Variants in PCNX2 observed in about 807,000 individuals in gnomAD.
The protein encoded by PCNX2 is pecanex 2, also known as pecanex-like protein 2.
In PCNX2, 168 loss-of-function variants were observed where a neutral mutation model predicts 223.8. The observed-to-expected ratio is 0.75, with a 90% CI of 0.66 to 0.85. The LOEUF (loss-of-function observed/expected upper bound fraction) is 0.85. Ranked by LOEUF, PCNX2 falls within the 40% of genes least tolerant of loss-of-function variation. The pLI is 0.00. For synonymous variants in PCNX2, 1,006 were observed against 1,052.6 expected, an observed-to-expected ratio of 0.96 and a Z score of 0.86; for missense variants, 2,507 against 2,675.5, an observed-to-expected ratio of 0.94 and a Z score of 1.39.
Position 233,258,777 on chromosome 1 carries a change from G to T in PCNX2, c.1085C>A (p.Ser362Tyr), listed in dbSNP as rs1289833750. ...SEVAVTLIDT[S>Y]QPGDPLSLHE... ...TAGACTCAGTGGGTCTCCGGGTTGA[G>T]AAGTATCGATGAGAGTAACAGCTAC... The change falls in exon 5 of 34, where the codon TCT (serine) becomes TAT (tyrosine). Residue 362 changes from serine (S) to tyrosine (Y), a missense_variant. Ser to Tyr is a moderately radical substitution (Grantham distance 144). Coordinates refer to ENST00000258229, the MANE Select transcript of PCNX2 (RefSeq NM_014801.4). The T allele has an allele frequency of 1.2e-6, 2 of 1,613,746 alleles. No homozygotes were observed. Among genetic ancestry groups the T allele is most frequent in the Admixed American group, 3.3e-5 (2 of 60,008 alleles).
intron 13 of PCNX2, among the ~76,000 whole-genome samples, chr1:233,206,845 T>C (rs1681497537): frequency 6.6e-6 from 1 of 151,824 alleles, no homozygotes; most frequent in South Asian, 2.1e-4. Flanking sequence ...ACCCCGTCTC[T>C]ACTAAAAATA....
At chr1:233,164,395 T>C (rs566226166) in intron 17 of PCNX2, among the ~76,000 whole-genome samples, 4 of 152,128 alleles carry the variant, frequency 2.6e-5, no homozygotes, top group Non-Finnish European at 4.4e-5. Flanking sequence ...CCTCAAAAAA[T>C]TGAAAACGGA....
At chr1:233,235,237 T>A (rs1658314773) in intron 9 of PCNX2, among the ~76,000 whole-genome samples, 1 of 152,026 alleles carries the variant, frequency 6.6e-6, no homozygotes, top group African/African-American at 2.4e-5. Context: ...AATTAAACAC[T>A]TGTTCACACA....
chr1:233,180,286 G>A (rs537477388), intron 15 of PCNX2, among the ~76,000 whole-genome samples: 9 of 151,942 alleles, frequency 5.9e-5, no homozygotes, highest in African/African-American at 1.5e-4. Flanking sequence ...CATTGTATTC[G>A]GCCTGGCAGA....
the PCNX2 span, among the ~76,000 whole-genome samples, chr1:233,322,083 A>G: frequency 3.9e-5 from 6 of 152,224 alleles, no homozygotes; most frequent in Admixed American, 3.3e-4. Flanking sequence ...CAAGACCAGC[A>G]TTGGAGAATC....
intron 25 of PCNX2, among the ~76,000 whole-genome samples, chr1:233,045,722 C>A (rs1671802951): frequency 6.6e-6 from 1 of 152,166 alleles, no homozygotes; most frequent in Non-Finnish European, 1.5e-5. Context: ...CACAAAGAAG[C>A]AGGGTCATGT....
At position 233,160,394 on chromosome 1, in the gene PCNX2, C is replaced by A. The variant is rs370457665; in HGVS notation, c.3406G>T (p.Val1136Leu). 12 of 1,613,422 alleles carry A rather than the reference C, an allele frequency of 7.4e-6. No individual in the cohort carries two copies. The highest frequency in any genetic ancestry group is 4.0e-5 in the African/African-American group (3 of 74,876). The change falls in exon 19 of 34, where the codon GTG becomes TTG. Residue 1136 changes from valine to leucine, a missense_variant. Val to Leu is a conservative substitution (Grantham distance 32). Coordinates refer to ENST00000258229, the MANE Select transcript of PCNX2 (RefSeq NM_014801.4). ...SIVLFALAGA[V>L]GFVTHYVLPQ... ...AGCACGTAATGTGTTACAAACCCCA[C>A]GGCTCCAGCCAAGGCAAACAGCACG...
At chr1:233,060,904 A>C (rs1672383841) in intron 23 of PCNX2, among the ~76,000 whole-genome samples, 1 of 152,196 alleles carries the variant, frequency 6.6e-6, no homozygotes, top group South Asian at 2.1e-4. Context: ...CTTTTATGTT[A>C]ATACAAAATG....
intron 25 of PCNX2, among the ~76,000 whole-genome samples, chr1:233,037,524 T>A (rs1356805589): frequency 6.6e-6 from 1 of 151,932 alleles, no homozygotes; most frequent in African/African-American, 2.4e-5. Flanking sequence ...CTTTCTTTCT[T>A]TTTTAGAGAT....
intron 1 of PCNX2, among the ~76,000 whole-genome samples, chr1:233,287,142 C>A (rs1358125431): frequency 6.6e-6 from 1 of 152,220 alleles, no homozygotes; most frequent in Non-Finnish European, 1.5e-5. Flanking sequence ...GGACCCCTTA[C>A]ATTCAAACTT....
chr1:233,011,950 T>A (rs1313103156), intron 28 of PCNX2, among the ~76,000 whole-genome samples: 2 of 152,158 alleles, frequency 1.3e-5, no homozygotes, highest in Non-Finnish European at 2.9e-5. Context: ...TAGAAGCCAG[T>A]CAGAAGTTCA....
chr1:233,129,630 G>A (rs1676335677), intron 21 of PCNX2, among the ~76,000 whole-genome samples: 1 of 152,228 alleles, frequency 6.6e-6, no homozygotes, highest in African/African-American at 2.4e-5. Context: ...TTAAGGGATT[G>A]TAAACACACC....
chr1:233,311,460 G>T, the PCNX2 span, among the ~76,000 whole-genome samples: 60 of 152,350 alleles, frequency 3.9e-4, no homozygotes, highest in Middle Eastern at 3.4e-3. Flanking sequence ...TGTGTTGCCA[G>T]TTCTTGGCTC....
chr1:233,139,581 A>G lies in PCNX2; in HGVS notation c.3659+133T>C. 9.1e-7 allele frequency: 1 copy of G among 1,102,836 alleles called. No homozygotes were observed. Among genetic ancestry groups the G allele is most frequent in the South Asian group, 1.7e-5 (1 of 57,462 alleles). 68.3% of individuals were successfully genotyped at this position (1,102,836 alleles called of 1,614,324 possible). On this transcript the variant is annotated intron_variant, in intron 20 of 33. Coordinates refer to ENST00000258229, the MANE Select transcript of PCNX2 (RefSeq NM_014801.4). This position sits in a 1 kb window ranked among gnomAD's most constrained non-coding sequence, Gnocchi z 4.4. ...TCCAGTGGGTTTTGAGTAAAAGACC[A>G]CCATGGCTTATTTTTACATGGCCAA...
At chr1:233,165,554 C>T (rs1008965128) in intron 17 of PCNX2, among the ~76,000 whole-genome samples, 1 of 151,998 alleles carries the variant, frequency 6.6e-6, no homozygotes, top group African/African-American at 2.4e-5. Flanking sequence ...TTTTAATTTG[C>T]CTTTTCCAAT....
At chr1:233,101,106 G>A (rs1226118252) in intron 21 of PCNX2, among the ~76,000 whole-genome samples, 1 of 152,180 alleles carries the variant, frequency 6.6e-6, no homozygotes, top group Admixed American at 6.5e-5. Flanking sequence ...AAATTTGGAG[G>A]TTCACAGGGA....
At chr1:233,037,766 G>A (rs1223470136) in intron 25 of PCNX2, among the ~76,000 whole-genome samples, 1 of 152,172 alleles carries the variant, frequency 6.6e-6, no homozygotes, top group African/African-American at 2.4e-5. Flanking sequence ...TATTGCAACA[G>A]TTTTACATCC....
intron 21 of PCNX2, among the ~76,000 whole-genome samples, chr1:233,104,189 C>T (rs1421058548): frequency 6.6e-6 from 1 of 151,858 alleles, no homozygotes; most frequent in Non-Finnish European, 1.5e-5. Flanking sequence ...GAAAAAAGTC[C>T]AAACATATCA....
chr1:232,996,147 C>T (rs1669866856), intron 32 of PCNX2, among the ~76,000 whole-genome samples: 1 of 152,206 alleles, frequency 6.6e-6, no homozygotes, highest in African/African-American at 2.4e-5. Context: ...TAGGTGTGCA[C>T]CACAGCACCC....
Sources: gnomAD v4.1 joint callset for allele counts (sites outside exome capture counted in the v4.1 genomes callset) on GRCh38, gnomAD v4.1.1 for gene constraint, Gnocchi (gnomAD v3.1) non-coding constraint, MANE v1.5 for transcripts, NCBI Gene and HGNC (gene_info 2026-07-23, HGNC 2026-07-21) for gene names.